The following ZNF157 variants were observed in gnomAD, a reference collection of about 807,000 sequenced individuals.
ZNF157 encodes the protein zinc finger protein 22.
In ZNF157, 8 loss-of-function variants were observed where a neutral mutation model predicts 9.4. The observed-to-expected ratio is 0.85, with a 90% CI of 0.50 to 1.53. The LOEUF (loss-of-function observed/expected upper bound fraction) is 1.53, where lower values mean the gene tolerates loss of function less well. Among genes scored for constraint, ZNF157 ranks in the 40% most tolerant of loss-of-function variants. The pLI is 0.00. For missense variants in ZNF157, 316 were observed against 385.2 expected (o/e 0.82, Z 1.50); for synonymous variants, 120 against 130.8 (o/e 0.92, Z 0.56).
chrX:47,410,496 A>G (rs1039234247), intron 2 of ZNF157, 94 bp downstream of exon 2: 1 of 1,075,446 alleles, frequency 9.3e-7, no homozygotes, highest in African/African-American at 1.8e-5. Context: ...AATGATATTA[A>G]GAGTCACAGA....
rs1262431122 is a variant in ZNF157 at position 47,413,216 on chromosome X, A to G, written c.1143A>G (p.Thr381=). The G allele has an allele frequency of 3.3e-6, 4 of 1,212,123 alleles. No individual in the cohort carries two copies. The highest frequency in any genetic ancestry group is 4.5e-6 in the Non-Finnish European group (4 of 895,484). The change falls in exon 4 of 4, where the codon ACA becomes ACG. Residue 381 remains threonine, a synonymous_variant. Transcript: ENST00000377073. The part of the protein sequence containing the change: ...SSLGIHQRIH[T]GEKPYECNEC... The stretch of plus-strand genomic sequence containing the variant: ...TTGGGATCCATCAGAGAATTCACAC[A>G]GGAGAGAAACCTTACGAATGTAATG...
At chrX:47,371,445 G>T (rs1177086508) in intron 1 of ZNF157, among the ~76,000 whole-genome samples, 1 of 108,914 alleles carries the variant, frequency 9.2e-6, no homozygotes, top group Admixed American at 1.0e-4. Context: ...TTTGAGACCT[G>T]CCTGGGCAAT....
In ZNF157 at chrX:47,413,641, C is replaced by T; in HGVS notation, c.*47C>T. 8.7e-7 allele frequency: 1 copy of T among 1,148,294 alleles called. No individual in the cohort carries two copies. Among genetic ancestry groups the T allele is most frequent in the Non-Finnish European group, 1.2e-6 (1 of 866,462 alleles). 94.6% of individuals were successfully genotyped at this position (1,148,294 alleles called of 1,213,427 possible). A position where few individuals can be genotyped will look rare whatever the true frequency, so the allele number is the denominator to read the frequency against. ...CAAGCTCCTTGGGGGCATATGATCA[C>T]CAGGGCACACAGTGTGCCTGTGAAA... On this transcript the variant is annotated 3_prime_UTR_variant, in exon 4 of 4. Coordinates refer to ENST00000377073, the MANE Select transcript of ZNF157 (RefSeq NM_003446.4).
intron 1 of ZNF157, among the ~76,000 whole-genome samples, chrX:47,387,699 C>T (rs932326048): frequency 1.9e-5 from 2 of 108,004 alleles, no homozygotes; most frequent in South Asian, 4.1e-4. Flanking sequence ...CTCAGGAGTT[C>T]GAGACCAGCC....
Position 47,413,204 on chromosome X carries a change from G to A in ZNF157, c.1131G>A (p.Gln377=). ...TGCACTCATCTCTTGGGATCCATCA[G>A]AGAATTCACACAGGAGAGAAACCTT... ...FRVHSSLGIH[Q]RIHTGEKPYE... is the part of the protein sequence containing the mutation. Residue 377 remains glutamine (Q), a synonymous_variant, in exon 4 of 4, where the codon CAG becomes CAA. Transcript: ENST00000377073. The A allele has an allele frequency of 8.3e-7, 1 of 1,211,839 alleles. No homozygotes were observed. The highest frequency in any genetic ancestry group is 1.1e-6 in the Non-Finnish European group (1 of 895,393).
intron 1 of ZNF157, among the ~76,000 whole-genome samples, chrX:47,394,676 G>A: frequency 8.9e-6 from 1 of 111,732 alleles, no homozygotes; most frequent in Non-Finnish European, 1.9e-5. Context: ...TTCCTTCTGA[G>A]TCAAAACTAG....
chrX:47,403,537 G>A (rs751540471), intron 1 of ZNF157, among the ~76,000 whole-genome samples: 1 of 110,420 alleles, frequency 9.1e-6, no homozygotes, highest in South Asian at 3.9e-4. Context: ...GTTTTGCTCT[G>A]TTGCTTAGGC....
chrX:47,399,786 C>T (rs1444570478), intron 1 of ZNF157, among the ~76,000 whole-genome samples: 2 of 110,630 alleles, frequency 1.8e-5, no homozygotes, highest in Non-Finnish European at 3.8e-5. Flanking sequence ...CTGAAGCAAT[C>T]CTCCCACTTC....
At chrX:47,399,169 G>A (rs2055923141) in intron 1 of ZNF157, among the ~76,000 whole-genome samples, 1 of 111,398 alleles carries the variant, frequency 9.0e-6, no homozygotes, top group Non-Finnish European at 1.9e-5. Flanking sequence ...CAGGTTGCTG[G>A]CAACAATATT....
At chrX:47,409,563 G>A (rs747214898) in intron 1 of ZNF157, among the ~76,000 whole-genome samples, 8 of 106,449 alleles carry the variant, frequency 7.5e-5, no homozygotes, top group Non-Finnish European at 1.5e-4. Flanking sequence ...GGCTGGTCTC[G>A]AACTCCTGAC....
intron 1 of ZNF157, among the ~76,000 whole-genome samples, chrX:47,400,741 G>A (rs773364531): frequency 3.6e-5 from 4 of 111,345 alleles, no homozygotes; most frequent in South Asian, 3.7e-4. Context: ...CTGCAGCCTC[G>A]ACCTCCTAGG....
At chrX:47,397,607 G>A (rs1327821620) in intron 1 of ZNF157, among the ~76,000 whole-genome samples, 3 of 110,602 alleles carry the variant, frequency 2.7e-5, no homozygotes, top group Admixed American at 9.7e-5. Flanking sequence ...TAGAGACAGA[G>A]TTTCACCATG....
At chrX:47,371,754 C>T (rs747089928) in intron 1 of ZNF157, among the ~76,000 whole-genome samples, 46 of 111,000 alleles carry the variant, frequency 4.1e-4, no homozygotes, top group African/African-American at 1.3e-3. Context: ...ATTACAAGTG[C>T]GTGCCACCAC....
At chrX:47,377,679 G>C (rs191745987) in intron 1 of ZNF157, among the ~76,000 whole-genome samples, 1 of 104,626 alleles carries the variant, frequency 9.6e-6, no homozygotes, top group African/African-American at 3.5e-5. Context: ...TGATCCTCCC[G>C]CCTCAGCCTC....
intron 1 of ZNF157, among the ~76,000 whole-genome samples, chrX:47,374,397 CTTTTT>C (rs749372735): frequency 1.2e-5 from 1 of 85,452 alleles, no homozygotes. Flanking sequence ...AATAGACAAT[CTTTTT>C]TTTTTTTTTT....
At chrX:47,387,641 G>A (rs962213160) in intron 1 of ZNF157, among the ~76,000 whole-genome samples, 11 of 109,558 alleles carry the variant, frequency 1.0e-4, no homozygotes, top group Non-Finnish European at 2.1e-4. Context: ...TCAGTCGGGC[G>A]CGGTGGCTCA....
chrX:47,399,499 T>C (rs1038940108), intron 1 of ZNF157, among the ~76,000 whole-genome samples: 2 of 111,982 alleles, frequency 1.8e-5, no homozygotes, highest in Non-Finnish European at 3.8e-5. Flanking sequence ...GGGAGAATTG[T>C]ATAGTCATAT....
At chrX:47,387,518 A>G (rs1276223087) in intron 1 of ZNF157, among the ~76,000 whole-genome samples, 2 of 109,306 alleles carry the variant, frequency 1.8e-5, no homozygotes, top group Non-Finnish European at 3.8e-5. Context: ...CAGCCTCCCA[A>G]AGTGCTGGGA....
At chrX:47,382,848 C>G (rs955456384) in intron 1 of ZNF157, among the ~76,000 whole-genome samples, 1 of 110,110 alleles carries the variant, frequency 9.1e-6, no homozygotes, top group Non-Finnish European at 1.9e-5. Flanking sequence ...GCCCATTACC[C>G]AGGCCATATT....
Sources: gnomAD v4.1 joint callset for allele counts (sites outside exome capture counted in the v4.1 genomes callset) on GRCh38, gnomAD v4.1.1 for gene constraint, MANE v1.5 for transcripts, NCBI Gene and HGNC (gene_info 2026-07-23, HGNC 2026-07-21) for gene names.